The following PLCB1 variants were observed in gnomAD, a reference collection of about 807,000 sequenced individuals.
PLCB1 encodes phospholipase C beta 1.
In PLCB1, 46 loss-of-function variants were observed where a neutral mutation model predicts 161.8. The observed-to-expected ratio is 0.28, with a 90% confidence interval of 0.22 to 0.36. The LOEUF is 0.36. Among genes scored for constraint, PLCB1 ranks in the 10% least tolerant of loss-of-function variants. The probability of loss-of-function intolerance (pLI) is 1.00; values close to 1 mark genes in which losing one functional copy is unlikely to be tolerated. For missense variants in PLCB1, 1,016 were observed against 1,472.5 expected (o/e 0.69, Z 5.07); for synonymous variants, 517 against 503.7 (o/e 1.03, Z -0.35).
chr20:8,680,652 A>G (rs979787283), intron 9 of PLCB1, among the ~76,000 whole-genome samples: 4 of 152,126 alleles, frequency 2.6e-5, no homozygotes, highest in Non-Finnish European at 2.9e-5. Flanking sequence ...GTAGTCTACA[A>G]TCATATTCTA....
At chr20:8,524,059 G>A (rs1426369269) in intron 3 of PLCB1, among the ~76,000 whole-genome samples, 2 of 151,944 alleles carry the variant, frequency 1.3e-5, no homozygotes, top group Non-Finnish European at 2.9e-5. Flanking sequence ...GAAAAATACA[G>A]CAACAAAACA....
intron 3 of PLCB1, among the ~76,000 whole-genome samples, chr20:8,542,448 A>G (rs1395210189): frequency 6.6e-6 from 1 of 152,108 alleles, no homozygotes; most frequent in African/African-American, 2.4e-5. Flanking sequence ...GACACACGGG[A>G]TATTATGTTG....
At position 8,541,609 on chromosome 20, in the gene PLCB1, G is replaced by GAAAGAAAGA. The variant is rs1192850084; in HGVS notation, c.247-86683_247-86682insAGAAAGAAA. Among the ~76,000 whole-genome samples the GAAAGAAAGA allele has an allele frequency of 5.4e-3, 311 of 57,692 alleles. 1 individual carries two copies. The Middle Eastern group carries it at 0.054, about 10-fold the overall frequency. 37.8% of individuals were successfully genotyped at this position (57,692 alleles called of 152,430 possible). ...GAAAGAAAGAAAGAAAGAAAGAAAGGAAGGAAGATAGTAATGAAATGTGGG... is the reference window on the plus strand; with the variant it reads ...GAAAGAAAGAAAGAAAGAAAGAAAGGAAAGAAAGAAAGGAAGATAGTAATGAAATGTGGG... On this transcript the variant is annotated intron_variant, in intron 3 of 31. Coordinates refer to ENST00000338037, the MANE Select transcript of PLCB1 (RefSeq NM_015192.4).
intron 31 of PLCB1, among the ~76,000 whole-genome samples, chr20:8,881,310 CA>C (rs940974316): frequency 6.8e-6 from 1 of 146,826 alleles, no homozygotes; most frequent in African/African-American, 2.5e-5. Context: ...CAGACTCTGA[CA>C]CCTTTTTCAA....
At chr20:8,615,438 C>G (rs1988017619) in intron 3 of PLCB1, among the ~76,000 whole-genome samples, 1 of 152,068 alleles carries the variant, frequency 6.6e-6, no homozygotes, top group African/African-American at 2.4e-5. Context: ...CTTTAGAAAT[C>G]AATGTTTTTG....
chr20:8,588,568 A>G (rs1987055857), intron 3 of PLCB1, among the ~76,000 whole-genome samples: 1 of 152,120 alleles, frequency 6.6e-6, no homozygotes. Flanking sequence ...TATAAGAGGA[A>G]GGACACCAGT....
chr20:8,866,949 G>A (rs1332497104), intron 31 of PLCB1, among the ~76,000 whole-genome samples: 3 of 152,132 alleles, frequency 2.0e-5, no homozygotes, highest in African/African-American at 7.2e-5. Flanking sequence ...ACTCCCTTAA[G>A]CATCAAAATC....
At chr20:8,657,142 A>C (rs1014365954) in intron 7 of PLCB1, 42 bp from the exon 8 acceptor site, 1 of 1,093,612 alleles carries the variant, frequency 9.1e-7, no homozygotes, top group Non-Finnish European at 1.4e-6. Context: ...AAGCTGGGGA[A>C]GGAAAAAGAC....
chr20:8,799,755 A>C (rs1984197944), intron 31 of PLCB1, among the ~76,000 whole-genome samples: 1 of 152,200 alleles, frequency 6.6e-6, no homozygotes, highest in Non-Finnish European at 1.5e-5. Context: ...TCAGATACCC[A>C]AATCCACAGA....
chr20:8,461,818 A>G (rs1030090963), intron 3 of PLCB1, among the ~76,000 whole-genome samples: 68 of 151,962 alleles, frequency 4.5e-4, no homozygotes, highest in African/African-American at 1.4e-3. Context: ...TTGGCCTGGG[A>G]TTTTGTGTTG....
chr20:8,840,480 A>C (rs1251118408), intron 31 of PLCB1, among the ~76,000 whole-genome samples: 1 of 152,162 alleles, frequency 6.6e-6, no homozygotes, highest in African/African-American at 2.4e-5. Context: ...GCTGGGTGGA[A>C]AACAATGAGT....
intron 31 of PLCB1, among the ~76,000 whole-genome samples, chr20:8,874,607 G>A (rs969146665): frequency 6.6e-6 from 1 of 151,864 alleles, no homozygotes; most frequent in African/African-American, 2.4e-5. Flanking sequence ...AGTCTTTATG[G>A]GTGAAATGTC....
At chr20:8,136,498 C>T (rs779104571) in intron 1 of PLCB1, among the ~76,000 whole-genome samples, 5 of 151,924 alleles carry the variant, frequency 3.3e-5, no homozygotes, top group South Asian at 2.1e-4. Context: ...TGGTGGCGGG[C>T]GCCTGTAGTC....
chr20:8,524,778 AT>A (rs1984514986), intron 3 of PLCB1, among the ~76,000 whole-genome samples: 1 of 152,158 alleles, frequency 6.6e-6, no homozygotes, highest in African/African-American at 2.4e-5. Context: ...GCTGTCTAAG[AT>A]TTACTGATCC....
In PLCB1 at chr20:8,867,408, G is replaced by A. The variant is rs1031445711; in HGVS notation, c.3424-14214G>A. Among the ~76,000 whole-genome samples, 84 of 152,222 alleles carry A rather than the reference G, an allele frequency of 5.5e-4. 1 individual carries two copies. The highest frequency in any genetic ancestry group is 7.3e-5 in the Non-Finnish European group (5 of 68,034). ...TTGACCTTGCTTCTAATGTGACTCG[G>A]TGTAAGAACTGAATTCATAATGTAT... On this transcript the variant is annotated intron_variant, in intron 31 of 31. Transcript: ENST00000338037.
chr20:8,200,575 A>G (rs910008348), intron 2 of PLCB1, among the ~76,000 whole-genome samples: 1 of 151,936 alleles, frequency 6.6e-6, no homozygotes, highest in African/African-American at 2.4e-5. Flanking sequence ...ATGCTATTGG[A>G]GCTTAGAATA....
chr20:8,184,958 C>T (rs1291623037), intron 2 of PLCB1, among the ~76,000 whole-genome samples: 1 of 151,838 alleles, frequency 6.6e-6, no homozygotes, highest in East Asian at 1.9e-4. Context: ...CACTCCCCAA[C>T]AGGCCCTGGT....
intron 3 of PLCB1, among the ~76,000 whole-genome samples, chr20:8,554,513 G>A (rs1985884373): frequency 2.0e-5 from 3 of 152,012 alleles, no homozygotes; most frequent in Admixed American, 2.0e-4. Context: ...ACACAAAATG[G>A]ACCATACTCT....
intron 2 of PLCB1, among the ~76,000 whole-genome samples, chr20:8,165,382 T>A (rs1292463162): frequency 6.6e-6 from 1 of 152,178 alleles, no homozygotes; most frequent in Non-Finnish European, 1.5e-5. Flanking sequence ...TTGATTGATT[T>A]TTTTCCATTT....
Sources: allele counts gnomAD v4.1 joint callset (sites outside exome capture counted in the v4.1 genomes callset), GRCh38; gene constraint gnomAD v4.1.1; transcripts MANE v1.5; gene names NCBI Gene and HGNC (gene_info 2026-07-23, HGNC 2026-07-21).